STAT5B: variants seen among roughly 807,000 people sequenced by gnomAD.
STAT5B encodes the protein transcription factor STAT5B.
A neutral mutation model predicts 107.8 loss-of-function variants in STAT5B; 21 were observed. The ratio of observed to expected loss-of-function variants is 0.19; its 90% CI spans 0.14 to 0.28. STAT5B has a LOEUF of 0.28. STAT5B is among the 10% of genes least tolerant of loss of function. The pLI, the probability that STAT5B is intolerant of heterozygous loss-of-function variation, is 1.00. For synonymous variants in STAT5B, 325 were observed against 401.7 expected (o/e 0.81, Z 2.28); for missense variants, 565 against 1,008.2 (o/e 0.56, Z 5.95).
Position 42,201,726 on chromosome 17 carries a change from G to A in STAT5B, c.*12C>T, listed in dbSNP as rs114275908. On this transcript the variant is annotated 3_prime_UTR_variant, in exon 19 of 19. Transcript: ENST00000293328. ...TGAAGATGAAGAAGCTGAAGATGGA[G>A]AGGTCGCGGGGTCACGATTGTGCGT... is the stretch of plus-strand genomic sequence containing the variant. The A allele has an allele frequency of 2.4e-3, 3,651 of 1,498,222 alleles. 89 individuals are homozygous for A. In the African/African-American group the frequency reaches 0.044, roughly 18 times the overall value. The allele number at this position is 1,498,222 out of a possible 1,614,324, so 92.8% of individuals were successfully genotyped here.
At chr17:42,210,361 C>A in intron 14 of STAT5B, 42 bp downstream of exon 14, 1 of 1,614,168 alleles carries the variant, frequency 6.2e-7, no homozygotes, top group Non-Finnish European at 8.5e-7. Context: ...AGAGAGAAGA[C>A]CTTCAGACTC....
chr17:42,284,247 ATTCT>A, the STAT5B span, among the ~76,000 whole-genome samples: 1 of 151,148 alleles, frequency 6.6e-6, no homozygotes, highest in Non-Finnish European at 1.5e-5. Context: ...ACCTGGGATA[ATTCT>A]TTCTCTCTCC....
intron 15 of STAT5B, 127 bp downstream of exon 15, chr17:42,210,044 T>C: frequency 7.1e-7 from 1 of 1,398,744 alleles, no homozygotes; most frequent in Non-Finnish European, 9.9e-7. Context: ...ATGTCATGGC[T>C]ATACATTTAT....
At chr17:42,263,871 G>GCGCGCACACACACACA (rs1007528555) in intron 1 of STAT5B, among the ~76,000 whole-genome samples, 1 of 144,936 alleles carries the variant, frequency 6.9e-6, no homozygotes, top group African/African-American at 2.6e-5. Flanking sequence ...TAGAAAGCGC[G>GCGCGCACACACACACA]CACACACACA....
chr17:42,210,898 T>G (rs2080123005), intron 13 of STAT5B, among the ~76,000 whole-genome samples: 1 of 152,070 alleles, frequency 6.6e-6, no homozygotes, highest in Admixed American at 6.6e-5. Context: ...GAAACAAAAA[T>G]TAAATTCAAA....
intron 1 of STAT5B, among the ~76,000 whole-genome samples, chr17:42,252,785 G>T (rs900015591): frequency 4.6e-5 from 7 of 152,176 alleles, no homozygotes; most frequent in African/African-American, 1.7e-4. Flanking sequence ...GTAAAATAGA[G>T]CTAACACTTT....
At chr17:42,218,969 G>C in intron 7 of STAT5B, 91 bp from the exon 8 acceptor site, 2 of 1,594,754 alleles carry the variant, frequency 1.3e-6, no homozygotes, top group Non-Finnish European at 1.7e-6. Flanking sequence ...CCCCAGGAAG[G>C]CTCTGTGCTT....
chr17:42,282,994 C>A, the STAT5B span, among the ~76,000 whole-genome samples: 2 of 151,840 alleles, frequency 1.3e-5, no homozygotes, highest in Non-Finnish European at 2.9e-5. Context: ...ACTTAAGAAA[C>A]GAAGAAACAA....
Position 42,201,758 on chromosome 17 carries a change from T to G in STAT5B, c.2344A>C (p.Ile782Leu), listed in dbSNP as rs777230664. The G allele has an allele frequency of 1.5e-5, 24 of 1,612,452 alleles. 1 individual carries two copies. In the African/African-American group the frequency reaches 2.9e-4, roughly 20 times the overall value. Residue 782 changes from isoleucine (I) to leucine (L), a missense_variant, in exon 19 of 19, where the codon ATC (isoleucine) becomes CTC (leucine). Coordinates refer to ENST00000293328, the MANE Select transcript of STAT5B (RefSeq NM_012448.4). ...CGGGGTCACGATTGTGCGTGCGGGA[T>G]CCACTGACTGTCCATTGGCCGGCCC... ...LLGRPMDSQW[I>L]PHAQS
chr17:42,285,158 C>T, the STAT5B span, among the ~76,000 whole-genome samples: 62 of 150,808 alleles, frequency 4.1e-4, no homozygotes, highest in Admixed American at 3.6e-3. Flanking sequence ...GGTATGATCT[C>T]GGCTCACTGC....
At chr17:42,223,285 G>T (rs777797479) in intron 5 of STAT5B, 97 bp downstream of exon 5, 37 of 1,578,352 alleles carry the variant, frequency 2.3e-5, no homozygotes, top group Non-Finnish European at 2.9e-5. Context: ...CGCTGCCTCC[G>T]AATGGAAAGT....
At chr17:42,228,442 C>T (rs1363762465) in intron 2 of STAT5B, among the ~76,000 whole-genome samples, 1 of 152,056 alleles carries the variant, frequency 6.6e-6, no homozygotes, top group African/African-American at 2.4e-5. Context: ...ACTACTTAGG[C>T]AACAATTGAC....
intron 8 of STAT5B, among the ~76,000 whole-genome samples, 159 bp from the exon 9 acceptor site, chr17:42,218,489 G>A (rs138198310): frequency 5.4e-4 from 82 of 152,304 alleles, no homozygotes; most frequent in African/African-American, 1.9e-3. Context: ...AGAGTCCAGG[G>A]AGAGGATGGA....
At chr17:42,211,894 T>A in intron 13 of STAT5B, 90 bp downstream of exon 13, 1 of 1,536,200 alleles carries the variant, frequency 6.5e-7, no homozygotes, top group Non-Finnish European at 8.8e-7. Flanking sequence ...ATTAGAGACA[T>A]GAAGAATAAG....
intron 1 of STAT5B, chr17:42,234,413 T>C (rs2080341321): frequency 6.6e-6 from 1 of 152,218 alleles, no homozygotes; most frequent in Non-Finnish European, 1.5e-5. Context: ...CCAAAACACT[T>C]AGATAAAAGA....
At chr17:42,235,670 GT>G (rs1178822190) in intron 1 of STAT5B, among the ~76,000 whole-genome samples, 1 of 152,096 alleles carries the variant, frequency 6.6e-6, no homozygotes, top group Non-Finnish European at 1.5e-5. Flanking sequence ...TAGAGATGGG[GT>G]TTCACCATGT....
At position 42,218,341 on chromosome 17, in the gene STAT5B, C is replaced by A; in HGVS notation, c.990-11G>T. ...TCAATGATGAACGTGCTGCAGGGGA[C>A]ACAGGGACAGATGCATGATGAGGGG... On this transcript the variant is annotated splice_polypyrimidine_tract_variant and intron_variant, in intron 8 of 18. Transcript: ENST00000293328. 6.2e-7 allele frequency: 1 copy of A among 1,611,452 alleles called. No individual in the cohort carries two copies. The highest frequency in any genetic ancestry group is 8.5e-7 in the Non-Finnish European group (1 of 1,178,386).
At position 42,201,282 on chromosome 17, in the gene STAT5B, A is replaced by C; in HGVS notation, c.*456T>G. The C allele has an allele frequency of 2.1e-6, 1 of 485,664 alleles. No homozygotes were observed. The allele number at this position is 485,664 out of a possible 1,614,324, so 30.1% of individuals were successfully genotyped here. A position where few individuals can be genotyped will look rare whatever the true frequency, so the allele number is the denominator to read the frequency against. On this transcript the variant is annotated 3_prime_UTR_variant, in exon 19 of 19. Transcript: ENST00000293328. The stretch of plus-strand genomic sequence containing the variant: ...CACGGTTATATATCAATTGCTTGGC[A>C]GACAGAGTGACGAAGACTCACTGGA...
chr17:42,217,620 T>A (rs1339667116), intron 9 of STAT5B, 156 bp from the exon 10 acceptor site: 11 of 738,948 alleles, frequency 1.5e-5, no homozygotes, highest in Non-Finnish European at 2.6e-5. Context: ...ACATGTAATC[T>A]TCTCGGACGT....
Sources: gnomAD v4.1 joint callset for allele counts (sites outside exome capture counted in the v4.1 genomes callset) on GRCh38, gnomAD v4.1.1 for gene constraint, MANE v1.5 for transcripts, NCBI Gene and HGNC (gene_info 2026-07-23, HGNC 2026-07-21) for gene names.